Variants in MYO19 observed in about 807,000 individuals in gnomAD.
MYO19 encodes unconventional myosin-XIX.
In MYO19, 132 loss-of-function variants were observed where a neutral mutation model predicts 129.2. The observed-to-expected ratio is 1.02, with a 90% confidence interval of 0.89 to 1.18. The LOEUF is 1.18. Among genes scored for constraint, MYO19 ranks in the 50% most tolerant of loss-of-function variants. The pLI, the probability that MYO19 is intolerant of heterozygous loss-of-function variation, is 0.00. For synonymous variants in MYO19, 531 were observed against 477.2 expected, an observed-to-expected ratio of 1.11 and a Z score of -1.47; for missense variants, 1,210 against 1,216.7, an observed-to-expected ratio of 0.99 and a Z score of 0.08.
In MYO19 at chr17:36,496,099, G is replaced by A; in HGVS notation, c.*152C>T. The A allele has an allele frequency of 9.3e-6, 10 of 1,080,620 alleles. No individual in the cohort carries two copies. The highest frequency in any genetic ancestry group is 1.3e-5 in the Non-Finnish European group (10 of 747,648). 66.9% of individuals were successfully genotyped at this position (1,080,620 alleles called of 1,614,324 possible). ...AACCCCAGGCCCACTGACGCACTGGGCACGGGGCTCTGGGTCGAAGGCTGG... is the reference window on the plus strand; with the variant it reads ...AACCCCAGGCCCACTGACGCACTGGACACGGGGCTCTGGGTCGAAGGCTGG... On this transcript the variant is annotated 3_prime_UTR_variant, in exon 26 of 26. Coordinates refer to ENST00000614623, the MANE Select transcript of MYO19 (RefSeq NM_001163735.2).
At chr17:36,508,168 T>G in intron 14 of MYO19, 1 of 360,920 alleles carries the variant, frequency 2.8e-6, no homozygotes, top group Non-Finnish European at 5.0e-6. Context: ...CCAAATGAAG[T>G]GTGAAGACAG....
At position 36,498,353 on chromosome 17, in the gene MYO19, G is replaced by A. The variant is rs370506869; in HGVS notation, c.2670C>T (p.Leu890=). The A allele has an allele frequency of 1.9e-5, 30 of 1,613,912 alleles. No homozygotes were observed. The Middle Eastern group carries it at 4.9e-4, about 27-fold the overall frequency. The stretch of plus-strand genomic sequence containing the variant: ...TACTGGGGCTGCCCCTGGGGAGCTG[G>A]AGGCAAGCCCAGACCACTAATTTCC... ...FQRKLVVWAC[L]QLPRGSPSSY... Residue 890 remains leucine (L), a synonymous_variant, in exon 25 of 26, where the codon CTC becomes CTT. Transcript: ENST00000614623.
In MYO19 at chr17:36,507,732, G is replaced by T. The variant is rs2072017830; in HGVS notation, c.1353+71C>A. The T allele has an allele frequency of 2.7e-6, 4 of 1,488,112 alleles. No homozygotes were observed. The South Asian group carries it at 5.4e-5, about 20-fold the overall frequency. 92.2% of individuals were successfully genotyped at this position (1,488,112 alleles called of 1,614,324 possible). On this transcript the variant is annotated intron_variant, in intron 15 of 25. Transcript: ENST00000614623. ...AAGGCTTCTAATCAGAACCTGGACTGGGGCTGGAAGGTCAGGAAGGGATTG... is the reference window on the plus strand; with the variant it reads ...AAGGCTTCTAATCAGAACCTGGACTTGGGCTGGAAGGTCAGGAAGGGATTG...
chr17:36,525,403 C>CCAAT, intron 5 of MYO19, 62 bp from the exon 6 acceptor site: 1 of 1,210,804 alleles, frequency 8.3e-7, no homozygotes, highest in South Asian at 1.3e-5. Context: ...GATGACTGAG[C>CCAAT]CAATGATGAC....
At chr17:36,503,338 G>T in intron 20 of MYO19, 138 bp from the exon 21 acceptor site, 2 of 711,990 alleles carry the variant, frequency 2.8e-6, no homozygotes, top group South Asian at 3.4e-5. Flanking sequence ...TATCCCCACT[G>T]AATGTGAATG....
At position 36,532,639 on chromosome 17, in the gene MYO19, A is replaced by T. The variant is rs1306403689; in HGVS notation, c.-101T>A. 7.2e-7 allele frequency: 1 copy of T among 1,395,976 alleles called. No homozygotes were observed. Among genetic ancestry groups the T allele is most frequent in the African/African-American group, 1.4e-5 (1 of 69,920 alleles). The allele number at this position is 1,395,976 out of a possible 1,614,324, so 86.5% of individuals were successfully genotyped here. On this transcript the variant is annotated 5_prime_UTR_variant, in exon 3 of 26. Coordinates refer to ENST00000614623, the MANE Select transcript of MYO19 (RefSeq NM_001163735.2). Reference sequence around the variant, plus strand: ...ATGGGCTGGGGTATGGTTCCAACAAAGGGCTCAGTTCTGGAGGAATCTCAG... The same window carrying T: ...ATGGGCTGGGGTATGGTTCCAACAATGGGCTCAGTTCTGGAGGAATCTCAG...
At chr17:36,516,017 C>A in intron 6 of MYO19, 27 bp from the exon 7 acceptor site, 1 of 1,594,622 alleles carries the variant, frequency 6.3e-7, no homozygotes, top group Non-Finnish European at 8.5e-7. Context: ...CCTGTGGGAG[C>A]TGTATCTATG....
At position 36,510,813 on chromosome 17, in the gene MYO19, G is replaced by C; in HGVS notation, c.1090C>G (p.Arg364Gly). The C allele has an allele frequency of 1.3e-6, 2 of 1,596,366 alleles. No homozygotes were observed. The highest frequency in any genetic ancestry group is 4.6e-5 in the East Asian group (2 of 43,904). Residue 364 changes from arginine (R) to glycine (G), a missense_variant, in exon 13 of 26, where the codon CGG (arginine) becomes GGG (glycine). Physicochemically the swap from Arg to Gly is moderately radical, Grantham distance 125 (BLOSUM62 -2). Coordinates refer to ENST00000614623, the MANE Select transcript of MYO19 (RefSeq NM_001163735.2). Reference sequence around the variant, plus strand: ...CACTCGGCTCGGGCGCAGGGCTTCCGGAACACCTGCTGCTGTCTGCCTGCC... The same window carrying C: ...CACTCGGCTCGGGCGCAGGGCTTCCCGAACACCTGCTGCTGTCTGCCTGCC... ...IRAGRQQQVFRKPCARAECDT... is the reference protein window; with the variant it reads ...IRAGRQQQVFGKPCARAECDT...
intron 2 of MYO19, among the ~76,000 whole-genome samples, chr17:36,541,015 G>A (rs1055658136): frequency 6.6e-5 from 10 of 151,916 alleles, no homozygotes; most frequent in African/African-American, 2.2e-4. Flanking sequence ...TTGAGGCGCA[G>A]TCTTGCTCTG....
In MYO19 at chr17:36,495,860, T is replaced by C. The variant is rs893975729; in HGVS notation, c.*391A>G. The C allele has an allele frequency of 1.6e-6, 2 of 1,240,342 alleles. No homozygotes were observed. Among genetic ancestry groups the C allele is most frequent in the African/African-American group, 3.1e-5 (2 of 64,598 alleles). 76.8% of individuals were successfully genotyped at this position (1,240,342 alleles called of 1,614,324 possible). A position where few individuals can be genotyped will look rare whatever the true frequency, so the allele number is the denominator to read the frequency against. ...TTTAAAGGAAATAACCACAAGATTT[T>C]TCCCAGCCCAAATTCCAGCGCCAAT... On this transcript the variant is annotated 3_prime_UTR_variant, in exon 26 of 26. Transcript: ENST00000614623.
intron 22 of MYO19, 52 bp from the exon 23 acceptor site, chr17:36,501,011 C>G: frequency 6.2e-7 from 1 of 1,603,846 alleles, no homozygotes; most frequent in South Asian, 1.1e-5. Flanking sequence ...CTGCCCCCTC[C>G]TGCTGAGGAG....
intron 11 of MYO19, chr17:36,512,800 G>C (rs1240903222): frequency 1.6e-6 from 2 of 1,283,918 alleles, no homozygotes; most frequent in African/African-American, 3.0e-5. Flanking sequence ...AGGAAGATGA[G>C]AGGAGGTAGT....
chr17:36,497,404 T>C (rs537825583), intron 25 of MYO19, among the ~76,000 whole-genome samples: 1 of 150,776 alleles, frequency 6.6e-6, no homozygotes, highest in South Asian at 2.1e-4. Context: ...AACCAAGCAA[T>C]ACAATTTGGG....
intron 19 of MYO19, chr17:36,504,540 C>T (rs774687435): frequency 6.4e-6 from 1 of 157,056 alleles, no homozygotes; most frequent in Non-Finnish European, 1.4e-5. Flanking sequence ...GCATTCACCC[C>T]TCATCCACAT....
At chr17:36,531,342 C>T (rs2073823486) in intron 3 of MYO19, among the ~76,000 whole-genome samples, 2 of 146,298 alleles carry the variant, frequency 1.4e-5, no homozygotes, top group African/African-American at 5.1e-5. Flanking sequence ...TTGCAGTGAG[C>T]CAAGATCAAG....
At chr17:36,527,272 G>A (rs991107397) in intron 5 of MYO19, among the ~76,000 whole-genome samples, 2 of 151,370 alleles carry the variant, frequency 1.3e-5, no homozygotes, top group East Asian at 1.9e-4. Flanking sequence ...TAATAAAACC[G>A]CAAACAAGAA....
At chr17:36,536,473 C>T (rs1433443915), upstream of MYO19, among the ~76,000 whole-genome samples, 1 of 151,874 alleles carries the variant, frequency 6.6e-6, no homozygotes. Context: ...TGATGCCATT[C>T]TCAGAGTTTA....
At chr17:36,538,226 T>G (rs2074170333), upstream of MYO19, 3 of 1,613,202 alleles carry the variant, frequency 1.9e-6, no homozygotes, top group African/African-American at 2.7e-5. Flanking sequence ...CCTTTTGTAT[T>G]TGGATAGTTG....
chr17:36,510,214 A>G (rs904372981), intron 13 of MYO19, among the ~76,000 whole-genome samples: 1 of 152,184 alleles, frequency 6.6e-6, no homozygotes, highest in Non-Finnish European at 1.5e-5. Context: ...CCTTAACCAC[A>G]TGGCCAGAGG....
Sources: allele counts gnomAD v4.1 joint callset (sites outside exome capture counted in the v4.1 genomes callset), GRCh38; gene constraint gnomAD v4.1.1; transcripts MANE v1.5; gene names NCBI Gene and HGNC (gene_info 2026-07-23, HGNC 2026-07-21).